Variants in LRCH1 observed in about 807,000 individuals in gnomAD.
The protein encoded by LRCH1 is leucine-rich repeat and calponin homology domain-containing protein 1.
A neutral mutation model predicts 94.9 loss-of-function variants in LRCH1; 23 were observed. The observed-to-expected ratio is 0.24, with a 90% CI of 0.17 to 0.34. The LOEUF is 0.34. Ranked by LOEUF, LRCH1 falls within the 10% of genes least tolerant of loss-of-function variation. The probability of loss-of-function intolerance (pLI) is 1.00; values close to 1 mark genes in which losing one functional copy is unlikely to be tolerated. For synonymous variants in LRCH1, 364 were observed against 354.9 expected, an observed-to-expected ratio of 1.03 and a Z score of -0.29; for missense variants, 790 against 945.9, an observed-to-expected ratio of 0.84 and a Z score of 2.16.
In LRCH1 at chr13:46,553,348, TG is replaced by T; in HGVS notation, c.-48del. 6.9e-7 allele frequency: 1 copy of T among 1,446,480 alleles called. No homozygotes were observed. The highest frequency in any genetic ancestry group is 9.3e-7 in the Non-Finnish European group (1 of 1,077,312). The allele number at this position is 1,446,480 out of a possible 1,614,324, so 89.6% of individuals were successfully genotyped here. A position where few individuals can be genotyped will look rare whatever the true frequency, so the allele number is the denominator to read the frequency against. On this transcript the variant is annotated 5_prime_UTR_variant, in exon 1 of 20. Coordinates refer to ENST00000389797, the MANE Select transcript of LRCH1 (RefSeq NM_001164211.2). ...CGTTTTCCCCTCGCGGGGAACGCTG[TG>T]ACCCCCCCGCAGGAGCGGCGGGGCG...
At chr13:46,631,412 C>T (rs2051016147) in intron 1 of LRCH1, among the ~76,000 whole-genome samples, 1 of 152,138 alleles carries the variant, frequency 6.6e-6, no homozygotes, top group Non-Finnish European at 1.5e-5. Flanking sequence ...AGCCATGAAG[C>T]ACTATTGACT....
At chr13:46,632,296 G>A (rs1042348042) in intron 1 of LRCH1, among the ~76,000 whole-genome samples, 36 of 152,214 alleles carry the variant, frequency 2.4e-4, no homozygotes, top group African/African-American at 8.2e-4. Flanking sequence ...ATGGCCATGA[G>A]GATTTGTGGT....
At chr13:46,611,795 T>A (rs1285749257) in intron 1 of LRCH1, among the ~76,000 whole-genome samples, 1 of 152,254 alleles carries the variant, frequency 6.6e-6, no homozygotes, top group Non-Finnish European at 1.5e-5. Flanking sequence ...ATTAAAATAA[T>A]GTTATCTTCT....
intron 1 of LRCH1, among the ~76,000 whole-genome samples, chr13:46,606,242 G>A (rs1390419336): frequency 2.0e-5 from 3 of 151,580 alleles, no homozygotes; most frequent in South Asian, 2.1e-4. Context: ...AACACAGTTC[G>A]ACCTTTTTTC....
At chr13:46,694,595 C>A (rs1871079078) in intron 8 of LRCH1, among the ~76,000 whole-genome samples, 1 of 152,088 alleles carries the variant, frequency 6.6e-6, no homozygotes, top group South Asian at 2.1e-4. Flanking sequence ...GGCAAAAAAG[C>A]CTCTTTTATA....
intron 1 of LRCH1, among the ~76,000 whole-genome samples, chr13:46,592,011 G>A (rs563721428): frequency 5.3e-5 from 8 of 152,280 alleles, no homozygotes; most frequent in African/African-American, 1.4e-4. Context: ...ATAGAGTATT[G>A]TTTTAAAACT....
At chr13:46,626,931 C>T (rs2050957619) in intron 1 of LRCH1, among the ~76,000 whole-genome samples, 2 of 151,980 alleles carry the variant, frequency 1.3e-5, no homozygotes, top group African/African-American at 4.8e-5. Flanking sequence ...AGATGAACAC[C>T]AGGTAGTGTT....
chr13:46,665,056 T>C (rs2051497318), intron 2 of LRCH1, among the ~76,000 whole-genome samples: 2 of 152,200 alleles, frequency 1.3e-5, no homozygotes, highest in Non-Finnish European at 1.5e-5. Flanking sequence ...TATAAATTTT[T>C]CTATAAATTA....
At chr13:46,599,040 C>G (rs547809700) in intron 1 of LRCH1, among the ~76,000 whole-genome samples, 1 of 152,264 alleles carries the variant, frequency 6.6e-6, no homozygotes, top group South Asian at 2.1e-4. Flanking sequence ...TTTTCCATCT[C>G]TATGAATTTG....
chr13:46,606,294 T>C (rs2137992742), intron 1 of LRCH1, among the ~76,000 whole-genome samples: 1 of 152,302 alleles, frequency 6.6e-6, no homozygotes, highest in East Asian at 1.9e-4. Flanking sequence ...CATGGGTCAT[T>C]GTGGTTTTAA....
At chr13:46,643,645 C>G (rs60746456) in intron 1 of LRCH1, among the ~76,000 whole-genome samples, 2 of 152,116 alleles carry the variant, frequency 1.3e-5, no homozygotes, top group Non-Finnish European at 2.9e-5. Context: ...CAAAGACACA[C>G]TATGATTTCC....
chr13:46,577,671 A>T (rs1484928849), intron 1 of LRCH1, among the ~76,000 whole-genome samples: 1 of 152,230 alleles, frequency 6.6e-6, no homozygotes, highest in African/African-American at 2.4e-5. Flanking sequence ...GAGAGAAGGT[A>T]TTGAGTTCCT....
intron 3 of LRCH1, among the ~76,000 whole-genome samples, chr13:46,678,244 G>A (rs842365): frequency 0.82 from 124,508 of 152,182 alleles, 51,488 homozygotes; most frequent in African/African-American, 0.94. Flanking sequence ...CAAAACAGGA[G>A]TATTTTATCC....
At chr13:46,643,788 T>A (rs754700427) in intron 1 of LRCH1, among the ~76,000 whole-genome samples, 3 of 152,204 alleles carry the variant, frequency 2.0e-5, no homozygotes, top group African/African-American at 2.4e-5. Flanking sequence ...GGAAACCTAT[T>A]AATCAAAATA....
In LRCH1 at chr13:46,610,058, G is replaced by C. The variant is rs191063606; in HGVS notation, c.308-40143G>C. Among the ~76,000 whole-genome samples the C allele has an allele frequency of 2.0e-5, 3 of 152,294 alleles. No individual in the cohort carries two copies. The East Asian group carries it at 5.8e-4, about 29-fold the overall frequency. On this transcript the variant is annotated intron_variant, in intron 1 of 19. Transcript: ENST00000389797. The stretch of plus-strand genomic sequence containing the variant: ...TGTCATGGCCGGCAGTTGGGCCCTT[G>C]TACTGTTCATCAGCTTCACCATCAA...
rs189422765 is a variant in LRCH1 at position 46,613,169 on chromosome 13, A to T, written c.308-37032A>T. On this transcript the variant is annotated intron_variant, in intron 1 of 19. Transcript: ENST00000389797. ...CACTTTGGGAGGCCAAGGCAGGAGG[A>T]TCACGAGGTCAGGAGATCGAGACCA... Among the ~76,000 whole-genome samples, 800 of 152,248 alleles carry T rather than the reference A, an allele frequency of 5.3e-3. 7 individuals are homozygous for T. The highest frequency in any genetic ancestry group is 0.014 in the Middle Eastern group (4 of 294).
intron 1 of LRCH1, among the ~76,000 whole-genome samples, chr13:46,584,735 C>T (rs1265907918): frequency 1.3e-5 from 2 of 152,188 alleles, no homozygotes; most frequent in Non-Finnish European, 2.9e-5. Flanking sequence ...TGAACTTAAT[C>T]ATTTTTTGTT....
intron 1 of LRCH1, among the ~76,000 whole-genome samples, chr13:46,628,651 T>G (rs1241331344): frequency 7.0e-6 from 1 of 142,354 alleles, no homozygotes; most frequent in East Asian, 2.1e-4. Context: ...AGCGATTCTC[T>G]GTCTCAGGGA....
chr13:46,567,841 A>T (rs999495005), intron 1 of LRCH1, among the ~76,000 whole-genome samples: 1 of 152,084 alleles, frequency 6.6e-6, no homozygotes, highest in Non-Finnish European at 1.5e-5. Flanking sequence ...CTCAATATGA[A>T]ATTTGCACCA....
Sources: gnomAD v4.1 joint callset for allele counts (sites outside exome capture counted in the v4.1 genomes callset) on GRCh38, gnomAD v4.1.1 for gene constraint, MANE v1.5 for transcripts, NCBI Gene and HGNC (gene_info 2026-07-23, HGNC 2026-07-21) for gene names.